Variants in AKAP13 observed in about 807,000 individuals in gnomAD.
AKAP13 encodes the protein A-kinase anchoring protein 13, also known as A-kinase anchor protein 13.
A neutral mutation model predicts 264.5 loss-of-function variants in AKAP13; 80 were observed. That is an observed-to-expected ratio of 0.30 (90% CI 0.25 to 0.36). The LOEUF (loss-of-function observed/expected upper bound fraction) is 0.36, where lower values mean the gene tolerates loss of function less well. Among genes scored for constraint, AKAP13 ranks in the 10% least tolerant of loss-of-function variants. The pLI is 1.00. For missense variants in AKAP13, 3,712 were observed against 3,435.2 expected (o/e 1.08, Z -2.01); for synonymous variants, 1,380 against 1,250.2 (o/e 1.10, Z -2.19).
intron 17 of AKAP13, among the ~76,000 whole-genome samples, chr15:85,706,720 C>T (rs555256526): frequency 1.3e-5 from 2 of 152,288 alleles, no homozygotes; most frequent in East Asian, 3.9e-4. Context: ...AGGCACTATG[C>T]TGGAGAGTCT....
At chr15:85,733,989 C>G (rs1310313478) in intron 30 of AKAP13, among the ~76,000 whole-genome samples, 1 of 147,496 alleles carries the variant, frequency 6.8e-6, no homozygotes, top group Admixed American at 7.0e-5. Context: ...TATGGGCATG[C>G]ACCACCATGC....
In AKAP13 at chr15:85,580,088, T is replaced by G. The variant is rs1168775994; in HGVS notation, c.2020T>G (p.Ser674Ala). Reference protein sequence around the residue: ...DSACQQNTVTSSGDLVAKLCD... With the variant: ...DSACQQNTVTASGDLVAKLCD... ...TGCATGTCAACAGAACACAGTGACT[T>G]CTAGTGGCGATTTGGTTGCAAAACT... Residue 674 changes from serine (S) to alanine (A), a missense_variant, in exon 7 of 37, where the codon TCT becomes GCT. Coordinates refer to ENST00000394518, the MANE Select transcript of AKAP13 (RefSeq NM_007200.5). 6.2e-7 allele frequency: 1 copy of G among 1,614,156 alleles called. No individual in the cohort carries two copies. The highest frequency in any genetic ancestry group is 1.1e-5 in the South Asian group (1 of 91,090).
chr15:85,741,183 G>A lies in AKAP13; in HGVS notation c.7746G>A (p.Gln2582=). 6.2e-7 allele frequency: 1 copy of A among 1,611,962 alleles called. No homozygotes were observed. The highest frequency in any genetic ancestry group is 8.5e-7 in the Non-Finnish European group (1 of 1,179,082). ...AGCGCAGCCTGGAGAAGCAGCGCCA[G>A]GACCTGGCCAACCTGCAGAAGCAGC... ...EKQRSLEKQR[Q]DLANLQKQQA... Residue 2582 remains glutamine, a synonymous_variant, in exon 35 of 37, where the codon CAG becomes CAA. Transcript: ENST00000394518.
intron 11 of AKAP13, among the ~76,000 whole-genome samples, chr15:85,656,461 T>C (rs1180428955): frequency 6.6e-6 from 1 of 152,074 alleles, no homozygotes; most frequent in Non-Finnish European, 1.5e-5. Flanking sequence ...CTTTTTTTTT[T>C]CCTGAGATGG....
At chr15:85,389,736 C>T (rs1375706480) in intron 1 of AKAP13, 1 of 152,164 alleles carries the variant, frequency 6.6e-6, no homozygotes, top group African/African-American at 2.4e-5. Context: ...TGGTACATAC[C>T]TAAGATTAAT....
chr15:85,633,905 G>C (rs16942514), intron 8 of AKAP13, among the ~76,000 whole-genome samples: 9,310 of 151,894 alleles, frequency 0.061, 411 homozygotes, highest in Admixed American at 0.16. Flanking sequence ...ATAGGGTGTT[G>C]GTAAAGTTAC....
chr15:85,641,469 TAAATAAATAAATA>T (rs1567170632), intron 9 of AKAP13, among the ~76,000 whole-genome samples: 9 of 127,010 alleles, frequency 7.1e-5, no homozygotes, highest in African/African-American at 2.9e-4. Context: ...AATAAATAAA[TAAATAAATAAATA>T]AATAAATAAA....
Position 85,744,778 on chromosome 15 carries a change from C to T in AKAP13, c.*101C>T. ...AGTCTCTTACACTGGACGCCCACTG[C>T]TCCTCAGCGTCCAGTCCTCCTGGGC... On this transcript the variant is annotated 3_prime_UTR_variant, in exon 37 of 37. Transcript: ENST00000394518. The T allele has an allele frequency of 1.8e-6, 2 of 1,123,022 alleles. No homozygotes were observed. Among genetic ancestry groups the T allele is most frequent in the Non-Finnish European group, 2.5e-6 (2 of 793,852 alleles). The allele number at this position is 1,123,022 out of a possible 1,614,324, so 69.6% of individuals were successfully genotyped here.
chr15:85,444,474 G>A (rs2150964402), intron 1 of AKAP13, among the ~76,000 whole-genome samples: 1 of 152,340 alleles, frequency 6.6e-6, no homozygotes, highest in Admixed American at 6.5e-5. Flanking sequence ...TAGTGCCAGT[G>A]AACCTTTGAC....
intron 5 of AKAP13, among the ~76,000 whole-genome samples, chr15:85,574,225 T>G (rs531973230): frequency 2.6e-5 from 4 of 152,280 alleles, no homozygotes; most frequent in East Asian, 1.9e-4. Flanking sequence ...GTTAATAATA[T>G]GAGATTGTGT....
intron 8 of AKAP13, among the ~76,000 whole-genome samples, chr15:85,612,685 T>G (rs1213491601): frequency 3.3e-5 from 5 of 151,998 alleles, no homozygotes; most frequent in Non-Finnish European, 5.9e-5. Flanking sequence ...AGCTGGGTAG[T>G]AGTGACACGT....
intron 2 of AKAP13, among the ~76,000 whole-genome samples, chr15:85,515,271 A>T (rs1299308259): frequency 7.2e-6 from 1 of 138,776 alleles, no homozygotes; most frequent in African/African-American, 2.9e-5. Flanking sequence ...ACATCTTATA[A>T]ACTTTATGCC....
chr15:85,503,549 T>C, intron 2 of AKAP13, among the ~76,000 whole-genome samples: 1 of 152,192 alleles, frequency 6.6e-6, no homozygotes, highest in East Asian at 1.9e-4. Flanking sequence ...CAGAGGTGAT[T>C]CAACTTGACC....
intron 1 of AKAP13, chr15:85,415,462 A>G (rs1051640363): frequency 8.8e-6 from 14 of 1,599,388 alleles, no homozygotes; most frequent in Middle Eastern, 3.3e-4. Context: ...ACCACAGCTG[A>G]TGGCAGAAAA....
chr15:85,699,197 A>C (rs150384216), intron 17 of AKAP13, among the ~76,000 whole-genome samples: 113 of 152,106 alleles, frequency 7.4e-4, no homozygotes, highest in Non-Finnish European at 1.2e-3. Context: ...TAATCCCTGC[A>C]CTTTGGGAGG....
chr15:85,736,621 C>T (rs927024384), intron 33 of AKAP13, among the ~76,000 whole-genome samples: 2 of 152,156 alleles, frequency 1.3e-5, no homozygotes, highest in African/African-American at 2.4e-5. Context: ...TGGTCATAAA[C>T]TCCTGGACAC....
rs1287203197 is a variant in AKAP13 at position 85,581,321 on chromosome 15, G to A, written c.3253G>A (p.Gly1085Arg). The A allele has an allele frequency of 2.5e-6, 4 of 1,614,204 alleles. No homozygotes were observed. In the South Asian group the frequency reaches 4.4e-5, roughly 18 times the overall value. Residue 1085 changes from glycine to arginine, a missense_variant, in exon 7 of 37, where the codon GGA (glycine) becomes AGA (arginine). Gly to Arg is a moderately radical substitution (Grantham distance 125). Around this residue, in one of 3 missense-constraint regions of AKAP13, gnomAD observed 2,759 missense variants for 2,411.7 expected, o/e 1.14. Transcript: ENST00000394518. ...AAAAACTAGTGCCTGTGAGGTGAGT[G>A]GAGATGTGACGGTGGATGTTACAGG... ...QGKTSACEVS[G>R]DVTVDVTGVN...
intron 2 of AKAP13, among the ~76,000 whole-genome samples, chr15:85,519,440 A>G (rs1420616965): frequency 6.6e-6 from 1 of 152,158 alleles, no homozygotes; most frequent in Non-Finnish European, 1.5e-5. Flanking sequence ...GCTGCAAAGG[A>G]TGGAACTTTT....
intron 18 of AKAP13, among the ~76,000 whole-genome samples, chr15:85,709,681 T>C (rs913044118): frequency 9.9e-5 from 15 of 151,566 alleles, no homozygotes; most frequent in African/African-American, 3.6e-4. Flanking sequence ...TTTTATTTTA[T>C]TTTATTTTAT....
Sources: allele counts gnomAD v4.1 joint callset (sites outside exome capture counted in the v4.1 genomes callset), GRCh38; gene constraint gnomAD v4.1.1; regional missense constraint gnomAD v4.1.1; transcripts MANE v1.5; gene names NCBI Gene and HGNC (gene_info 2026-07-23, HGNC 2026-07-21).